The following CELSR1 variants were observed in gnomAD, a reference collection of about 807,000 sequenced individuals.
CELSR1 encodes the protein cadherin EGF LAG seven-pass G-type receptor 1.
Under a neutral mutation model 249.1 loss-of-function variants are expected in CELSR1, and 110 were observed. That is an observed-to-expected ratio of 0.44 (90% CI 0.38 to 0.52). The LOEUF (loss-of-function observed/expected upper bound fraction) is 0.52, where lower values mean the gene tolerates loss of function less well. Among genes scored for constraint, CELSR1 ranks in the 20% least tolerant of loss-of-function variants. CELSR1 has a pLI of 0.00. For synonymous variants in CELSR1, 2,113 were observed against 1,900.0 expected (o/e 1.11, Z -2.92); for missense variants, 4,109 against 4,296.4 (o/e 0.96, Z 1.22).
chr22:46,382,497 C>T (rs1040174663), intron 20 of CELSR1, among the ~76,000 whole-genome samples: 22 of 152,158 alleles, frequency 1.4e-4, no homozygotes, highest in African/African-American at 5.3e-4. Flanking sequence ...AGGATGGTCT[C>T]GATCTCCTGA....
At chr22:46,400,559 C>CTG (rs2079200388) in intron 9 of CELSR1, among the ~76,000 whole-genome samples, 1 of 152,078 alleles carries the variant, frequency 6.6e-6, no homozygotes, top group Non-Finnish European at 1.5e-5. Context: ...ATCGCTTGAA[C>CTG]CTGGGAGTCT....
At chr22:46,416,866 G>A (rs1445959060) in intron 5 of CELSR1, among the ~76,000 whole-genome samples, 2 of 151,826 alleles carry the variant, frequency 1.3e-5, no homozygotes, top group Admixed American at 6.6e-5. Flanking sequence ...TGGTCCTTAC[G>A]AAGTGCTCAC....
chr22:46,405,961 C>T (rs1268669708), intron 9 of CELSR1, among the ~76,000 whole-genome samples: 2 of 152,172 alleles, frequency 1.3e-5, no homozygotes, highest in Non-Finnish European at 2.9e-5. Context: ...AGCATCCCCT[C>T]AAGGCCACCC....
At chr22:46,432,748 C>T (rs1251188791) in intron 5 of CELSR1, among the ~76,000 whole-genome samples, 1 of 152,096 alleles carries the variant, frequency 6.6e-6, no homozygotes, top group Non-Finnish European at 1.5e-5. Flanking sequence ...CGTGTATGAA[C>T]AGCCCAGAAT....
intron 2 of CELSR1, among the ~76,000 whole-genome samples, chr22:46,458,718 C>T (rs2079985258): frequency 6.6e-6 from 1 of 152,136 alleles, no homozygotes; most frequent in Non-Finnish European, 1.5e-5. Flanking sequence ...ATCCCCAAGT[C>T]GAATCCTGGC....
rs538530181 is a variant in CELSR1 at position 46,382,032 on chromosome 22, G to A, written c.6902C>T (p.Pro2301Leu). ...PEEKEGPLLR[P>L]AGRRTTPQTT... is the part of the protein sequence containing the mutation. Reference sequence around the variant, plus strand: ...CTGCGGGGTGGTCCTCCGGCCAGCCGGCCTCAGCAGGGGGCCTTCTGCAAT... The same window carrying A: ...CTGCGGGGTGGTCCTCCGGCCAGCCAGCCTCAGCAGGGGGCCTTCTGCAAT... The change falls in exon 21 of 35, where the codon CCG (proline) becomes CTG (leucine). Residue 2301 changes from proline (P) to leucine (L), a missense_variant. Coordinates refer to ENST00000674500, the MANE Select transcript of CELSR1 (RefSeq NM_001378328.1). 246 of 1,544,804 alleles carry A rather than the reference G, an allele frequency of 1.6e-4. No individual in the cohort carries two copies. The highest frequency in any genetic ancestry group is 8.5e-4 in the South Asian group (71 of 83,970).
intron 1 of CELSR1, among the ~76,000 whole-genome samples, chr22:46,485,185 T>C (rs2080301736): frequency 6.6e-6 from 1 of 152,112 alleles, no homozygotes; most frequent in African/African-American, 2.4e-5. Context: ...GGTTTTTCTG[T>C]AGTTGAGTAT....
At position 46,399,855 on chromosome 22, in the gene CELSR1, A is replaced by G; in HGVS notation, c.5274T>C (p.Asp1758=). ...LQFEVSHGPS[D]VESVMLSGLR... is the part of the protein sequence containing the mutation. ...ACCCGGACAGCATCACGGACTCCACATCGGAGGGGCCGTGGGACACCTCAA... is the reference window on the plus strand; with the variant it reads ...ACCCGGACAGCATCACGGACTCCACGTCGGAGGGGCCGTGGGACACCTCAA... Residue 1758 remains aspartate, a synonymous_variant, in exon 10 of 35, where the codon GAT becomes GAC. Coordinates refer to ENST00000674500, the MANE Select transcript of CELSR1 (RefSeq NM_001378328.1). The surrounding 1 kb of genome is among the most constrained non-coding windows in gnomAD (Gnocchi z 5.0). 1 of 1,614,116 alleles carries G rather than the reference A, an allele frequency of 6.2e-7. No homozygotes were observed. The highest frequency in any genetic ancestry group is 8.5e-7 in the Non-Finnish European group (1 of 1,179,978).
At chr22:46,508,446 C>T (rs1401432570) in intron 1 of CELSR1, among the ~76,000 whole-genome samples, 1 of 147,950 alleles carries the variant, frequency 6.8e-6, no homozygotes, top group Non-Finnish European at 1.5e-5. Context: ...CCCACCCCCG[C>T]CCCTTGCTGT....
In CELSR1 at chr22:46,463,806, T is replaced by C. The variant is rs2080062419; in HGVS notation, c.4084A>G (p.Thr1362Ala). 1 of 1,609,468 alleles carries C rather than the reference T, an allele frequency of 6.2e-7. No individual in the cohort carries two copies. Residue 1362 changes from threonine (T) to alanine (A), a missense_variant, in exon 2 of 35, where the codon ACG becomes GCG. Thr to Ala is a moderately conservative substitution (Grantham distance 58). Around this residue, in one of 7 missense-constraint regions of CELSR1, gnomAD observed 453 missense variants for 492.0 expected, o/e 0.92. Transcript: ENST00000674500. ...TCGGAGTAGCAGAGGTCGATCTCCG[T>C]CTCGCAGTAGTCGCCGGTGAAGCCG... Reference protein sequence around the residue: ...PPGFTGDYCETEIDLCYSDPC... With the variant: ...PPGFTGDYCEAEIDLCYSDPC...
At chr22:46,420,031 G>C (rs4823808) in intron 5 of CELSR1, among the ~76,000 whole-genome samples, 24,011 of 147,358 alleles carry the variant, frequency 0.16, 3,753 homozygotes, top group African/African-American at 0.42. Flanking sequence ...TGCACTTACC[G>C]ACACTCACAC....
Position 46,407,111 on chromosome 22 carries a change from A to G in CELSR1, c.5226+1885T>C, listed in dbSNP as rs1335960158. 6.6e-6 allele frequency among the ~76,000 whole-genome samples: 1 copy of G among 152,210 alleles called. No homozygotes were observed. The highest frequency in any genetic ancestry group is 2.4e-5 in the African/African-American group (1 of 41,464). On this transcript the variant is annotated intron_variant, in intron 9 of 34. Coordinates refer to ENST00000674500, the MANE Select transcript of CELSR1 (RefSeq NM_001378328.1). The surrounding 1 kb of genome is among the most constrained non-coding windows in gnomAD (Gnocchi z 4.8). ...GGCAGCATCTCTGTGCGCTGAAGGG[A>G]GGTCAGGAGGGAGCCCCAGGCTCAC...
Position 46,439,177 on chromosome 22 carries a change from A to T in CELSR1, c.4406+12T>A. 1 of 1,607,786 alleles carries T rather than the reference A, an allele frequency of 6.2e-7. No individual in the cohort carries two copies. Among genetic ancestry groups the T allele is most frequent in the Non-Finnish European group, 8.5e-7 (1 of 1,175,418 alleles). ...AGAGACCCCCGTGTGGCGCGGCGGG[A>T]CGCACACTCACGTGAGGGAGATGGT... On this transcript the variant is annotated intron_variant, in intron 3 of 34. Transcript: ENST00000674500.
chr22:46,379,335 G>A (rs555149574), intron 22 of CELSR1, among the ~76,000 whole-genome samples: 5 of 152,114 alleles, frequency 3.3e-5, no homozygotes, highest in South Asian at 4.1e-4. Context: ...CCCTGCCCTC[G>A]CAGACTCTGG....
At chr22:46,532,996 C>A (rs2080807971) in intron 1 of CELSR1, among the ~76,000 whole-genome samples, 1 of 152,174 alleles carries the variant, frequency 6.6e-6, no homozygotes, top group African/African-American at 2.4e-5. Flanking sequence ...GCCTCTTCAA[C>A]AGCACCCAAA....
rs1337795726 is a variant in CELSR1, at chr22:46,366,342, G to A, written c.8300+44C>T. 5 of 1,446,086 alleles carry A rather than the reference G, an allele frequency of 3.5e-6. No individual in the cohort carries two copies. In the Middle Eastern group the frequency reaches 5.3e-4, roughly 154 times the overall value. 89.6% of individuals were successfully genotyped at this position (1,446,086 alleles called of 1,614,324 possible). On this transcript the variant is annotated intron_variant, in intron 30 of 34. Transcript: ENST00000674500. ...TGGGGTGGCAGGGGCAAAACCTGAG[G>A]GAGTTCGAGAGCCACCTCCCCGAAC...
chr22:46,453,605 G>A (rs191235102), intron 2 of CELSR1, among the ~76,000 whole-genome samples: 47 of 152,270 alleles, frequency 3.1e-4, no homozygotes, highest in East Asian at 2.5e-3. Context: ...GGACAGAGGC[G>A]GCTTTGTCTG....
In CELSR1 at chr22:46,536,038, C is replaced by T; in HGVS notation, c.1133G>A (p.Ser378Asn). ...GGCGTTGATGGGCGAGTCGCGGTCGCTGGCGCGGATGGTCAGCACCTCGTA... is the reference window on the plus strand; with the variant it reads ...GGCGTTGATGGGCGAGTCGCGGTCGTTGGCGCGGATGGTCAGCACCTCGTA... ...VGYEVLTIRA[S>N]DRDSPINANL... The change falls in exon 1 of 35, where the codon AGC becomes AAC. Residue 378 changes from serine to asparagine, a missense_variant. Coordinates refer to ENST00000674500, the MANE Select transcript of CELSR1 (RefSeq NM_001378328.1). The T allele has an allele frequency of 1.9e-6, 3 of 1,610,502 alleles. No individual in the cohort carries two copies. Among genetic ancestry groups the T allele is most frequent in the Non-Finnish European group, 2.5e-6 (3 of 1,179,898 alleles).
intron 3 of CELSR1, among the ~76,000 whole-genome samples, chr22:46,438,111 A>G (rs1357671631): frequency 6.6e-6 from 1 of 152,154 alleles, no homozygotes; most frequent in African/African-American, 2.4e-5. Context: ...GAAGGGACCC[A>G]AAGCCGAGGG....
Sources: allele counts gnomAD v4.1 joint callset (sites outside exome capture counted in the v4.1 genomes callset), GRCh38; gene constraint gnomAD v4.1.1; regional missense constraint gnomAD v4.1.1; non-coding constraint Gnocchi (gnomAD v3.1); transcripts MANE v1.5; gene names NCBI Gene and HGNC (gene_info 2026-07-23, HGNC 2026-07-21).